The following CDK14 variants were observed in gnomAD, a reference collection of about 807,000 sequenced individuals.
CDK14 encodes cyclin dependent kinase 14, also known as cyclin-dependent kinase 14.
A neutral mutation model predicts 60.7 loss-of-function variants in CDK14; 34 were observed. The observed-to-expected ratio is 0.56, with a 90% confidence interval of 0.43 to 0.75. CDK14 has a LOEUF of 0.75. Among genes scored for constraint, CDK14 ranks in the 30% least tolerant of loss-of-function variants. The pLI is 0.00. For synonymous variants in CDK14, 197 were observed against 203.7 expected (o/e 0.97, Z 0.28); for missense variants, 482 against 564.1 (o/e 0.85, Z 1.47).
chr7:90,945,086 A>G (rs1239321715), intron 8 of CDK14, among the ~76,000 whole-genome samples: 1 of 152,248 alleles, frequency 6.6e-6, no homozygotes, highest in Non-Finnish European at 1.5e-5. Context: ...TGGCTAGAAC[A>G]TAGAAAGGGA....
intron 8 of CDK14, among the ~76,000 whole-genome samples, chr7:90,927,668 G>A (rs1793458766): frequency 1.3e-5 from 2 of 152,144 alleles, no homozygotes; most frequent in South Asian, 4.1e-4. Context: ...TTTGAATCCT[G>A]GTGAATCTGA....
intron 14 of CDK14, among the ~76,000 whole-genome samples, chr7:91,176,035 C>G (rs1453905781): frequency 6.6e-6 from 1 of 152,046 alleles, no homozygotes; most frequent in East Asian, 1.9e-4. Flanking sequence ...CACACCTATT[C>G]CAAAATTGAC....
At chr7:90,988,502 C>T (rs1273050898) in intron 10 of CDK14, among the ~76,000 whole-genome samples, 1 of 152,110 alleles carries the variant, frequency 6.6e-6, no homozygotes, top group Non-Finnish European at 1.5e-5. Flanking sequence ...TTCTATTCAC[C>T]TCCATTAGTT....
At chr7:91,086,883 A>G (rs1798657491) in intron 12 of CDK14, among the ~76,000 whole-genome samples, 1 of 152,228 alleles carries the variant, frequency 6.6e-6, no homozygotes, top group African/African-American at 2.4e-5. Context: ...TTCAGCCTCA[A>G]AATAAAGATG....
At chr7:90,711,882 A>ACTTTTTTTTT (rs1408956904) in intron 2 of CDK14, among the ~76,000 whole-genome samples, 1 of 110,820 alleles carries the variant, frequency 9.0e-6, no homozygotes, top group Non-Finnish European at 1.8e-5. Context: ...ATAGTCTACT[A>ACTTTTTTTTT]TGTTTTTTTT....
chr7:90,804,570 T>C (rs1788754629), intron 5 of CDK14, among the ~76,000 whole-genome samples: 2 of 152,182 alleles, frequency 1.3e-5, no homozygotes, highest in South Asian at 4.1e-4. Flanking sequence ...ATTGCCACAA[T>C]TGTTATTCTA....
intron 5 of CDK14, among the ~76,000 whole-genome samples, chr7:90,843,128 G>C (rs183418207): frequency 1.2e-3 from 185 of 152,248 alleles, no homozygotes; most frequent in Non-Finnish European, 2.0e-3. Context: ...CACTAAGAGT[G>C]GGAGCTAATG....
At chr7:90,865,307 C>A (rs931191991) in intron 6 of CDK14, among the ~76,000 whole-genome samples, 6 of 150,626 alleles carry the variant, frequency 4.0e-5, no homozygotes, top group African/African-American at 1.5e-4. Context: ...GTAGATTTCT[C>A]AGCACGATTA....
At chr7:90,798,803 C>G (rs1300700149) in intron 5 of CDK14, among the ~76,000 whole-genome samples, 1 of 152,172 alleles carries the variant, frequency 6.6e-6, no homozygotes, top group African/African-American at 2.4e-5. Context: ...AGTTCAGGCG[C>G]TTTGAAACTC....
chr7:90,712,087 G>A lies in CDK14; in HGVS notation c.124-14480G>A, dbSNP rs562840514. 2.4e-4 allele frequency among the ~76,000 whole-genome samples: 37 copies of A among 151,356 alleles called. No individual in the cohort carries two copies. In the South Asian group the frequency reaches 3.3e-3, roughly 14 times the overall value. Reference sequence around the variant, plus strand: ...TGGCAAGTTTTTTTTTTTCATTTTGGTAGTTATGAAGGAGATATTGTATGC... The same window carrying A: ...TGGCAAGTTTTTTTTTTTCATTTTGATAGTTATGAAGGAGATATTGTATGC... On this transcript the variant is annotated intron_variant, in intron 2 of 14. Coordinates refer to ENST00000380050, the MANE Select transcript of CDK14 (RefSeq NM_001287135.2).
At chr7:90,793,062 A>T (rs184094790) in intron 5 of CDK14, among the ~76,000 whole-genome samples, 1 of 152,140 alleles carries the variant, frequency 6.6e-6, no homozygotes. Flanking sequence ...TATTTCCATT[A>T]TAATTCTTAT....
rs181744979 is a variant in CDK14 at position 91,157,509 on chromosome 7, C to A, written c.*28+39301C>A. Among the ~76,000 whole-genome samples the A allele has an allele frequency of 7.9e-4, 121 of 152,300 alleles. 1 individual carries two copies. Among genetic ancestry groups the A allele is most frequent in the African/African-American group, 2.9e-3 (119 of 41,572 alleles). Reference sequence around the variant, plus strand: ...ATGAGAGAGGACAGATGTCAAATGCCTCCTATTACCTGAGAGGCATTGGGT... The same window carrying A: ...ATGAGAGAGGACAGATGTCAAATGCATCCTATTACCTGAGAGGCATTGGGT... On this transcript the variant is annotated intron_variant, in intron 14 of 14. Transcript: ENST00000380050.
chr7:91,093,073 T>C (rs1798875799), intron 12 of CDK14, among the ~76,000 whole-genome samples: 1 of 152,140 alleles, frequency 6.6e-6, no homozygotes, highest in Admixed American at 6.6e-5. Context: ...ATGTAAGACT[T>C]TGCAGTATTT....
chr7:91,194,903 G>A (rs1386093612), intron 14 of CDK14, among the ~76,000 whole-genome samples: 1 of 152,146 alleles, frequency 6.6e-6, no homozygotes, highest in Non-Finnish European at 1.5e-5. Context: ...GTTTCAGTCT[G>A]CCACAAATGA....
intron 12 of CDK14, among the ~76,000 whole-genome samples, chr7:91,087,652 G>T (rs1367005872): frequency 6.6e-6 from 1 of 152,062 alleles, no homozygotes; most frequent in African/African-American, 2.4e-5. Flanking sequence ...CTCTTTTTCA[G>T]TGCTCCCTGT....
At chr7:90,741,162 G>A (rs889212776) in intron 3 of CDK14, among the ~76,000 whole-genome samples, 1 of 152,186 alleles carries the variant, frequency 6.6e-6, no homozygotes, top group Non-Finnish European at 1.5e-5. Context: ...TTTTCTTGAA[G>A]CACTTACTAA....
intron 2 of CDK14, among the ~76,000 whole-genome samples, chr7:90,628,686 T>G (rs12535067): frequency 0.31 from 46,973 of 151,770 alleles, 8,193 homozygotes; most frequent in East Asian, 0.67. Context: ...AAAAAACAAC[T>G]TAGACAGGCA....
chr7:90,677,426 A>G (rs1801225194), intron 2 of CDK14, among the ~76,000 whole-genome samples: 1 of 152,136 alleles, frequency 6.6e-6, no homozygotes, highest in African/African-American at 2.4e-5. Context: ...TCTTGTAGTA[A>G]TTTTCTCACT....
At chr7:90,814,458 A>G (rs1789267869) in intron 5 of CDK14, among the ~76,000 whole-genome samples, 2 of 152,158 alleles carry the variant, frequency 1.3e-5, no homozygotes, top group African/African-American at 2.4e-5. Context: ...GCGAGAGAAA[A>G]TAACCCAATA....
Sources: gnomAD v4.1 joint callset for allele counts (sites outside exome capture counted in the v4.1 genomes callset) on GRCh38, gnomAD v4.1.1 for gene constraint, MANE v1.5 for transcripts, NCBI Gene and HGNC (gene_info 2026-07-23, HGNC 2026-07-21) for gene names.